The following LOC128462377 variants were observed in gnomAD, a reference collection of about 807,000 sequenced individuals.
the LOC128462377 span, among the ~76,000 whole-genome samples, chr16:89,325,914 A>G: frequency 1.3e-5 from 2 of 152,178 alleles, no homozygotes; most frequent in Non-Finnish European, 2.9e-5. Context: ...GGGCATGAGC[A>G]TGACGACGGA....
At chr16:89,392,830 A>C in the LOC128462377 span, among the ~76,000 whole-genome samples, 30 of 150,980 alleles carry the variant, frequency 2.0e-4, no homozygotes, top group Non-Finnish European at 4.1e-4. Context: ...GAAAAAAGAA[A>C]ACTGGGAATA....
chr16:89,404,482 G>A, the LOC128462377 span, among the ~76,000 whole-genome samples: 1 of 152,156 alleles, frequency 6.6e-6, no homozygotes, highest in South Asian at 2.1e-4. Context: ...ATATTATTTT[G>A]TTATTCTGGT....
At chr16:89,399,820 G>C in the LOC128462377 span, among the ~76,000 whole-genome samples, 1 of 152,072 alleles carries the variant, frequency 6.6e-6, no homozygotes, top group Non-Finnish European at 1.5e-5. Flanking sequence ...TTTTTTTAAA[G>C]TGACCATCCT....
At chr16:89,414,576 T>A in the LOC128462377 span, among the ~76,000 whole-genome samples, 1 of 152,224 alleles carries the variant, frequency 6.6e-6, no homozygotes, top group East Asian at 1.9e-4. Context: ...TGTTATTTAA[T>A]CTCCAAGGAA....
chr16:89,336,881 T>A, the LOC128462377 span, among the ~76,000 whole-genome samples: 1 of 151,754 alleles, frequency 6.6e-6, no homozygotes, highest in Non-Finnish European at 1.5e-5. Context: ...ATCCCAGCAC[T>A]CTGGGAGGCT....
At chr16:89,345,507 G>C in the LOC128462377 span, among the ~76,000 whole-genome samples, 1 of 152,212 alleles carries the variant, frequency 6.6e-6, no homozygotes, top group East Asian at 1.9e-4. Flanking sequence ...AGGCCCTCCA[G>C]TGGCCCCAGG....
At chr16:89,360,624 A>C in the LOC128462377 span, 1 of 152,226 alleles carries the variant, frequency 6.6e-6, no homozygotes, top group Non-Finnish European at 1.5e-5. Flanking sequence ...AAGCCAGTGC[A>C]CCTGAGATGA....
At chr16:89,360,170 T>C in the LOC128462377 span, among the ~76,000 whole-genome samples, 1 of 152,344 alleles carries the variant, frequency 6.6e-6, no homozygotes, top group Non-Finnish European at 1.5e-5. Context: ...TGGTTTTCTG[T>C]TCCTGAGTTA....
chr16:89,326,032 C>T, the LOC128462377 span, among the ~76,000 whole-genome samples: 1 of 152,206 alleles, frequency 6.6e-6, no homozygotes, highest in Admixed American at 6.5e-5. Flanking sequence ...GACAAGGAGA[C>T]ACACAGCTCT....
chr16:89,324,441 G>A, the LOC128462377 span: 2 of 462,994 alleles, frequency 4.3e-6, no homozygotes, highest in Admixed American at 2.3e-5. Context: ...AGGTAAGTGT[G>A]AGGGTTACTA....
the LOC128462377 span, among the ~76,000 whole-genome samples, chr16:89,376,367 G>C: frequency 6.6e-6 from 1 of 152,206 alleles, no homozygotes. Context: ...TGCCAACCAA[G>C]AGGTAGCAGA....
the LOC128462377 span, among the ~76,000 whole-genome samples, chr16:89,406,897 G>C: frequency 6.6e-6 from 1 of 152,222 alleles, no homozygotes; most frequent in Non-Finnish European, 1.5e-5. Flanking sequence ...AAGAACATCA[G>C]GCCGGACGTG....
the LOC128462377 span, among the ~76,000 whole-genome samples, chr16:89,321,547 A>C: frequency 5.3e-5 from 8 of 152,038 alleles, no homozygotes; most frequent in African/African-American, 1.9e-4. Flanking sequence ...CCTTGGCATC[A>C]CCAGGGAGTC....
the LOC128462377 span, among the ~76,000 whole-genome samples, chr16:89,387,402 G>T: frequency 3.4e-4 from 52 of 152,124 alleles, no homozygotes; most frequent in Non-Finnish European, 6.8e-4. Context: ...GCCGGGCGCG[G>T]TGGCTCACTC....
the LOC128462377 span, among the ~76,000 whole-genome samples, chr16:89,381,331 C>CAAAAAAAAAAAAAAA: frequency 2.0e-4 from 15 of 76,366 alleles, no homozygotes; most frequent in African/African-American, 8.6e-4. Context: ...GACTCTGCTG[C>CAAAAAAAAAAAAAAA]AAAAAAAAAA....
At chr16:89,384,897 T>G in the LOC128462377 span, among the ~76,000 whole-genome samples, 1 of 130,384 alleles carries the variant, frequency 7.7e-6, no homozygotes, top group African/African-American at 2.9e-5. Flanking sequence ...TTTTTTTTTT[T>G]TTTTTTTTTT....
the LOC128462377 span, among the ~76,000 whole-genome samples, chr16:89,319,609 G>GC: frequency 2.0e-4 from 31 of 152,304 alleles, no homozygotes; most frequent in Non-Finnish European, 3.7e-4. Context: ...TCGAGGCCCT[G>GC]CAACCCCAGC....
At chr16:89,408,005 G>C in the LOC128462377 span, among the ~76,000 whole-genome samples, 1 of 152,062 alleles carries the variant, frequency 6.6e-6, no homozygotes, top group African/African-American at 2.4e-5. Flanking sequence ...AAATCACTGT[G>C]GTCACTCCCC....
the LOC128462377 span, among the ~76,000 whole-genome samples, chr16:89,355,300 G>A: frequency 3.9e-5 from 6 of 151,950 alleles, no homozygotes; most frequent in East Asian, 9.7e-4. Flanking sequence ...CTCGGAAGGC[G>A]GGCGGACGGC....
Sources: gnomAD v4.1 joint callset for allele counts (sites outside exome capture counted in the v4.1 genomes callset) on GRCh38, gnomAD v4.1.1 for gene constraint, MANE v1.5 for transcripts.